Variants in ANKRD55 observed in about 807,000 individuals in gnomAD.
The protein encoded by ANKRD55 is ankyrin repeat domain 55.
ANKRD55 carries 41 observed loss-of-function variants against 60.6 expected under a neutral mutation model. The ratio of observed to expected loss-of-function variants is 0.68; its 90% CI spans 0.53 to 0.88. ANKRD55 has a LOEUF of 0.88. Ranked by LOEUF, ANKRD55 falls within the 40% of genes least tolerant of loss-of-function variation. The pLI is 0.00. For missense variants in ANKRD55, 732 were observed against 767.6 expected (o/e 0.95, Z 0.55); for synonymous variants, 264 against 290.3 (o/e 0.91, Z 0.92).
At chr5:56,133,140 C>G (rs575982206) in intron 7 of ANKRD55, among the ~76,000 whole-genome samples, 7 of 152,256 alleles carry the variant, frequency 4.6e-5, no homozygotes, top group African/African-American at 1.7e-4. Context: ...TATAGTTGAA[C>G]TTAAAAATAC....
At chr5:56,144,016 G>A in intron 6 of ANKRD55, 87 bp from the exon 7 acceptor site, 2 of 1,564,998 alleles carry the variant, frequency 1.3e-6, no homozygotes, top group South Asian at 1.1e-5. Flanking sequence ...CAGGCCTGGG[G>A]GCCATCACCA....
At position 56,111,286 on chromosome 5, in the gene ANKRD55, T is replaced by A; in HGVS notation, c.1462A>T (p.Met488Leu). Reference protein sequence around the residue: ...DLLNNRTGCQMLLDNPWKSDS... With the variant: ...DLLNNRTGCQLLLDNPWKSDS... ...CTCTTCCAGGGGTTATCTAGTAACA[T>A]CTGGCAGCCAGTTCTGTTATTTAAT... Residue 488 changes from methionine (M) to leucine (L), a missense_variant, in exon 10 of 12, where the codon ATG becomes TTG. Coordinates refer to ENST00000341048, the MANE Select transcript of ANKRD55 (RefSeq NM_024669.3). The A allele has an allele frequency of 6.2e-7, 1 of 1,614,180 alleles. No individual in the cohort carries two copies. The highest frequency in any genetic ancestry group is 8.5e-7 in the Non-Finnish European group (1 of 1,180,028).
chr5:56,189,265 C>T (rs1021193840), intron 2 of ANKRD55, among the ~76,000 whole-genome samples: 12 of 148,958 alleles, frequency 8.1e-5, no homozygotes, highest in Admixed American at 4.7e-4. Flanking sequence ...GAGCCAACAT[C>T]GCGCCACTGC....
intron 10 of ANKRD55, chr5:56,110,454 A>G (rs763968221): frequency 3.9e-5 from 6 of 152,764 alleles, no homozygotes; most frequent in Non-Finnish European, 5.8e-5. Flanking sequence ...AAGGTGGGAT[A>G]TGTACATATT....
chr5:56,112,117 T>C (rs1267763064), intron 9 of ANKRD55, among the ~76,000 whole-genome samples: 2 of 152,144 alleles, frequency 1.3e-5, no homozygotes, highest in Non-Finnish European at 2.9e-5. Context: ...TAGCTGAAAG[T>C]GTTGTTCTCA....
At chr5:56,110,313 C>T (rs1048601034) in intron 10 of ANKRD55, among the ~76,000 whole-genome samples, 2 of 151,602 alleles carry the variant, frequency 1.3e-5, no homozygotes, top group Non-Finnish European at 1.5e-5. Flanking sequence ...GCAGGGGGAT[C>T]GCTTGAACCC....
At chr5:56,178,719 A>T (rs2111825947) in intron 3 of ANKRD55, among the ~76,000 whole-genome samples, 1 of 152,060 alleles carries the variant, frequency 6.6e-6, no homozygotes. Flanking sequence ...TAAAAGAAGA[A>T]CTAAACATGG....
In ANKRD55 at chr5:56,229,088, C is replaced by A. The variant is rs1229802004; in HGVS notation, c.58+3768G>T. Among the ~76,000 whole-genome samples the A allele has an allele frequency of 2.1e-5, 3 of 142,644 alleles. No individual in the cohort carries two copies. The East Asian group carries it at 7.1e-4, about 34-fold the overall frequency. 93.6% of individuals were successfully genotyped at this position (142,644 alleles called of 152,430 possible). On this transcript the variant is annotated intron_variant, in intron 2 of 11. Transcript: ENST00000341048. ...ATCCCCCCACCTCCCGCCGACCCCT[C>A]GCCTGTTTTTTTTTTTTTTTTTCCC...
chr5:56,192,855 AG>A (rs1224923878), intron 2 of ANKRD55: 1 of 679,412 alleles, frequency 1.5e-6, no homozygotes, highest in Non-Finnish European at 2.5e-6. Flanking sequence ...CTACAGAAAA[AG>A]GCCAAACATG....
chr5:56,152,127 T>TTG (rs1758070051), intron 6 of ANKRD55, among the ~76,000 whole-genome samples: 1 of 27,862 alleles, frequency 3.6e-5, no homozygotes, highest in Non-Finnish European at 8.9e-5. Flanking sequence ...CATTTTTTTT[T>TTG]TTTTAGATGT....
At chr5:56,210,489 G>A (rs1400405999) in intron 2 of ANKRD55, among the ~76,000 whole-genome samples, 1 of 149,814 alleles carries the variant, frequency 6.7e-6, no homozygotes, top group Non-Finnish European at 1.5e-5. Context: ...GTGAACCCGG[G>A]AGGCGGAGCT....
chr5:56,126,916 G>A lies in ANKRD55; in HGVS notation c.797+6C>T. The stretch of plus-strand genomic sequence containing the variant: ...TTTCCCAGCACTTTCTGGTTACCAT[G>A]GATACCTGTCATCCACATCCAGAGC... On this transcript the variant is annotated splice_donor_region_variant and intron_variant, in intron 8 of 11. Transcript: ENST00000341048. 1 of 1,595,104 alleles carries A rather than the reference G, an allele frequency of 6.3e-7. No individual in the cohort carries two copies. Among genetic ancestry groups the A allele is most frequent in the Non-Finnish European group, 8.5e-7 (1 of 1,169,618 alleles).
chr5:56,176,162 G>T lies in ANKRD55; in HGVS notation c.302C>A (p.Ala101Asp). Residue 101 changes from alanine to aspartate, a missense_variant, in exon 4 of 12, where the codon GCC becomes GAC. Ala to Asp is a moderately radical substitution (Grantham distance 126). Transcript: ENST00000341048. The stretch of plus-strand genomic sequence containing the variant: ...GGCACAAGTCAGTACCAGGTAGGTG[G>T]CCAGGCATAAACTTGTGCGGCCATA... ...DAYGRTSLCL[A>D]TYLGWLEGCV... 1 of 1,614,134 alleles carries T rather than the reference G, an allele frequency of 6.2e-7. No homozygotes were observed. The highest frequency in any genetic ancestry group is 1.1e-5 in the South Asian group (1 of 91,084).
At chr5:56,204,256 T>A (rs550323544) in intron 2 of ANKRD55, among the ~76,000 whole-genome samples, 128 of 152,322 alleles carry the variant, frequency 8.4e-4, no homozygotes, top group African/African-American at 3.0e-3. Flanking sequence ...TTGCAAAAAT[T>A]TTCTCCCATT....
At chr5:56,192,131 C>T (rs879609982) in intron 2 of ANKRD55, among the ~76,000 whole-genome samples, 1 of 152,196 alleles carries the variant, frequency 6.6e-6, no homozygotes, top group Non-Finnish European at 1.5e-5. Flanking sequence ...CTCTCTCTCT[C>T]TCTTTCTCAT....
At chr5:56,106,358 T>C (rs318795) in intron 10 of ANKRD55, among the ~76,000 whole-genome samples, 32,388 of 151,038 alleles carry the variant, frequency 0.21, 4,018 homozygotes, top group Middle Eastern at 0.36. Flanking sequence ...GAAGCCTCAG[T>C]GATCTCAAAA....
At chr5:56,154,504 C>T (rs900877030) in intron 6 of ANKRD55, among the ~76,000 whole-genome samples, 1 of 151,906 alleles carries the variant, frequency 6.6e-6, no homozygotes, top group Admixed American at 6.6e-5. Context: ...TCGTGATTGG[C>T]TCTCACTAGC....
intron 7 of ANKRD55, among the ~76,000 whole-genome samples, chr5:56,128,171 G>C (rs1464000408): frequency 6.6e-6 from 1 of 152,196 alleles, no homozygotes; most frequent in African/African-American, 2.4e-5. Context: ...GAAGCAAAAA[G>C]AGTGTCAGCA....
intron 11 of ANKRD55, among the ~76,000 whole-genome samples, chr5:56,101,335 C>A (rs1245603317): frequency 6.6e-6 from 1 of 152,038 alleles, no homozygotes; most frequent in Non-Finnish European, 1.5e-5. Context: ...GGTTGAGAAA[C>A]TTATCTGAAA....
Sources: allele counts gnomAD v4.1 joint callset (sites outside exome capture counted in the v4.1 genomes callset), GRCh38; gene constraint gnomAD v4.1.1; transcripts MANE v1.5; gene names NCBI Gene and HGNC (gene_info 2026-07-23, HGNC 2026-07-21).